Variants in STRN3 observed in about 807,000 individuals in gnomAD.
STRN3 encodes striatin-3.
STRN3 carries 29 observed loss-of-function variants against 95.6 expected under a neutral mutation model. The ratio of observed to expected loss-of-function variants is 0.30; its 90% CI spans 0.23 to 0.41. STRN3 has a LOEUF of 0.41. STRN3 is among the 10% of genes least tolerant of loss of function. The pLI, the probability that STRN3 is intolerant of heterozygous loss-of-function variation, is 1.00. For synonymous variants in STRN3, 331 were observed against 357.6 expected (o/e 0.93, Z 0.84); for missense variants, 890 against 972.1 (o/e 0.92, Z 1.12).
chr14:30,956,591 C>A (rs1311318731), intron 1 of STRN3, among the ~76,000 whole-genome samples: 1 of 152,094 alleles, frequency 6.6e-6, no homozygotes, highest in Admixed American at 6.6e-5. Flanking sequence ...AAAAAAAACT[C>A]ATAAAATGTC....
At chr14:30,912,856 A>C (rs528011178) in intron 10 of STRN3, among the ~76,000 whole-genome samples, 1 of 152,260 alleles carries the variant, frequency 6.6e-6, no homozygotes, top group Non-Finnish European at 1.5e-5. Flanking sequence ...TAAGCATGCT[A>C]ATGTTAAGTA....
At chr14:30,987,840 C>T (rs1323738549) in intron 1 of STRN3, among the ~76,000 whole-genome samples, 1 of 151,776 alleles carries the variant, frequency 6.6e-6, no homozygotes, top group African/African-American at 2.4e-5. Flanking sequence ...CGGGTTCAAG[C>T]AATTCTCCTG....
chr14:30,965,331 T>C (rs1333339272), intron 1 of STRN3, among the ~76,000 whole-genome samples: 2 of 152,210 alleles, frequency 1.3e-5, no homozygotes, highest in African/African-American at 4.8e-5. Flanking sequence ...TTGGATGTTA[T>C]ATAGGAGTCC....
intron 1 of STRN3, chr14:31,018,368 C>T: frequency 3.0e-6 from 1 of 336,944 alleles, no homozygotes; most frequent in Non-Finnish European, 5.7e-6. Context: ...ATGTAGTGGG[C>T]ACTCAAAGAA....
chr14:30,959,386 A>C (rs1880076269), intron 1 of STRN3, among the ~76,000 whole-genome samples: 1 of 152,196 alleles, frequency 6.6e-6, no homozygotes, highest in Non-Finnish European at 1.5e-5. Flanking sequence ...CCAAAAATAC[A>C]TGGAAGAGGA....
chr14:31,022,534 A>C (rs1377348253), intron 1 of STRN3, among the ~76,000 whole-genome samples: 1 of 151,990 alleles, frequency 6.6e-6, no homozygotes, highest in African/African-American at 2.4e-5. Context: ...ACACATTAGC[A>C]ATATATATAA....
At chr14:30,978,862 G>A (rs1881243295) in intron 1 of STRN3, among the ~76,000 whole-genome samples, 1 of 151,870 alleles carries the variant, frequency 6.6e-6, no homozygotes, top group Admixed American at 6.6e-5. Context: ...GTGAAACCCT[G>A]TCTCTACTAA....
intron 1 of STRN3, among the ~76,000 whole-genome samples, chr14:30,988,590 GAGAA>G (rs1881805365): frequency 6.6e-6 from 1 of 152,142 alleles, no homozygotes; most frequent in Non-Finnish European, 1.5e-5. Flanking sequence ...CATTTAAAAA[GAGAA>G]AGAGAATAAT....
intron 1 of STRN3, among the ~76,000 whole-genome samples, chr14:30,982,225 T>C (rs1468093338): frequency 6.6e-6 from 1 of 152,030 alleles, no homozygotes; most frequent in Non-Finnish European, 1.5e-5. Flanking sequence ...GTTTAATGAA[T>C]TATAAAAAAT....
At chr14:30,905,750 C>A (rs577792321) in intron 14 of STRN3, among the ~76,000 whole-genome samples, 192 bp from the exon 15 acceptor site, 2 of 152,230 alleles carry the variant, frequency 1.3e-5, no homozygotes, top group East Asian at 3.9e-4. Flanking sequence ...TATTTAAAAA[C>A]TTTATAGCAT....
At chr14:30,972,417 T>TC (rs978998764) in intron 1 of STRN3, among the ~76,000 whole-genome samples, 3 of 152,090 alleles carry the variant, frequency 2.0e-5, no homozygotes, top group African/African-American at 7.2e-5. Flanking sequence ...AAGAACCCCT[T>TC]CCCCTCCCTT....
chr14:30,959,440 A>G (rs1009453450), intron 1 of STRN3, among the ~76,000 whole-genome samples: 13 of 152,350 alleles, frequency 8.5e-5, no homozygotes, highest in South Asian at 6.2e-4. Context: ...AACTGACCTT[A>G]TGACCTCATA....
intron 1 of STRN3, 127 bp downstream of exon 1, chr14:31,025,777 G>T: frequency 7.5e-7 from 1 of 1,327,184 alleles, no homozygotes; most frequent in Non-Finnish European, 1.0e-6. Flanking sequence ...ATCACAACCT[G>T]AGCAGCACAG....
chr14:30,989,008 G>A (rs1881823211), intron 1 of STRN3, among the ~76,000 whole-genome samples: 1 of 152,182 alleles, frequency 6.6e-6, no homozygotes. Flanking sequence ...AATCAGGACA[G>A]TAGATCTCAA....
intron 8 of STRN3, among the ~76,000 whole-genome samples, chr14:30,924,498 G>A (rs1896970291): frequency 6.6e-6 from 1 of 151,708 alleles, no homozygotes; most frequent in African/African-American, 2.4e-5. Context: ...CACCATGTTG[G>A]CCAGGCTGAT....
In STRN3 at chr14:30,895,689, G is replaced by A; in HGVS notation, c.2197C>T (p.Pro733Ser). The A allele has an allele frequency of 6.2e-7, 1 of 1,613,900 alleles. No homozygotes were observed. The highest frequency in any genetic ancestry group is 8.5e-7 in the Non-Finnish European group (1 of 1,179,946). Reference sequence around the variant, plus strand: ...CCAGACATCAAATAGATTCCATTAGGATCTACTGCTAGACTTGTAACAGCA... The same window carrying A: ...CCAGACATCAAATAGATTCCATTAGAATCTACTGCTAGACTTGTAACAGCA... ...LDAVTSLAVD[P>S]NGIYLMSGSH... The change falls in exon 17 of 18, where the codon CCT becomes TCT. Residue 733 changes from proline (P) to serine (S), a missense_variant. By Grantham distance (74) the Pro-to-Ser change is moderately conservative. Coordinates refer to ENST00000357479, the MANE Select transcript of STRN3 (RefSeq NM_001083893.2).
intron 1 of STRN3, among the ~76,000 whole-genome samples, chr14:30,986,464 G>C (rs1881698009): frequency 6.6e-6 from 1 of 152,218 alleles, no homozygotes; most frequent in African/African-American, 2.4e-5. Context: ...TAGCTAGATA[G>C]TAGCCAGAAA....
chr14:31,007,851 C>G (rs527943066), intron 1 of STRN3, among the ~76,000 whole-genome samples: 9 of 152,198 alleles, frequency 5.9e-5, no homozygotes, highest in Admixed American at 5.2e-4. Context: ...ATGATCCCAC[C>G]ACAGCACTCC....
chr14:30,999,665 C>A (rs879570615), intron 1 of STRN3, among the ~76,000 whole-genome samples: 6 of 152,030 alleles, frequency 3.9e-5, no homozygotes, highest in Non-Finnish European at 8.8e-5. Flanking sequence ...ATGAACAGAG[C>A]CTCAGAAACC....
Sources: gnomAD v4.1 joint callset for allele counts (sites outside exome capture counted in the v4.1 genomes callset) on GRCh38, gnomAD v4.1.1 for gene constraint, MANE v1.5 for transcripts, NCBI Gene and HGNC (gene_info 2026-07-23, HGNC 2026-07-21) for gene names.